GRB10: variants seen among roughly 807,000 people sequenced by gnomAD.
The protein encoded by GRB10 is growth factor receptor bound protein 10, also known as growth factor receptor-bound protein 10.
In GRB10, 20 loss-of-function variants were observed where a neutral mutation model predicts 80.9. The observed-to-expected ratio is 0.25, with a 90% CI of 0.17 to 0.36. The LOEUF (loss-of-function observed/expected upper bound fraction) is 0.36. GRB10 is among the 10% of genes least tolerant of loss of function. The probability of loss-of-function intolerance (pLI) is 1.00; values close to 1 mark genes in which losing one functional copy is unlikely to be tolerated. For missense variants in GRB10, 548 were observed against 747.7 expected, an observed-to-expected ratio of 0.73 and a Z score of 3.12; for synonymous variants, 291 against 291.5, an observed-to-expected ratio of 1.00 and a Z score of 0.02.
chr7:50,669,535 A>G (rs1450450741), intron 7 of GRB10, among the ~76,000 whole-genome samples, 187 bp downstream of exon 7: 1 of 152,218 alleles, frequency 6.6e-6, no homozygotes, highest in African/African-American at 2.4e-5. Flanking sequence ...TGGGATTTGG[A>G]GGGGACAACA....
chr7:50,650,329 G>T (rs867003892), intron 7 of GRB10, among the ~76,000 whole-genome samples: 1 of 152,188 alleles, frequency 6.6e-6, no homozygotes, highest in Non-Finnish European at 1.5e-5. Context: ...CAAGGTGGGT[G>T]GGGGAGAAAC....
In GRB10 at chr7:50,773,094, T is replaced by G. The variant is rs1222307010; in HGVS notation, c.-217+7533A>C. Among the ~76,000 whole-genome samples the G allele has an allele frequency of 2.0e-5, 3 of 152,070 alleles. No individual in the cohort carries two copies. In the East Asian group the frequency reaches 5.8e-4, roughly 29 times the overall value. ...CAGAAGGTGAAAGGCATGTCTCACA[T>G]GGTGGCAGACAAGAGAAGAGAACTT... On this transcript the variant is annotated intron_variant, in intron 2 of 18. Transcript: ENST00000401949.
At chr7:50,669,614 C>A in intron 7 of GRB10, 108 bp downstream of exon 7, 1 of 1,073,454 alleles carries the variant, frequency 9.3e-7, no homozygotes. Context: ...GAGAGAAGAT[C>A]CCAGGACTTC....
intron 12 of GRB10, among the ~76,000 whole-genome samples, chr7:50,613,901 A>G (rs1028206462): frequency 5.3e-5 from 8 of 152,218 alleles, no homozygotes; most frequent in Non-Finnish European, 7.3e-5. Flanking sequence ...GCTATGGCTC[A>G]TAAGTCAGCC....
At chr7:50,783,515 C>CAT (rs1177582753), upstream of GRB10, among the ~76,000 whole-genome samples, 6 of 150,720 alleles carry the variant, frequency 4.0e-5, no homozygotes, top group Non-Finnish European at 8.9e-5. Context: ...CACACACACA[C>CAT]ATACACCACA....
In GRB10 at chr7:50,660,089, G is replaced by A. The variant is rs73697044; in HGVS notation, c.504+9633C>T. Among the ~76,000 whole-genome samples, 536 of 152,290 alleles carry A rather than the reference G, an allele frequency of 3.5e-3. 7 individuals are homozygous for A. Among genetic ancestry groups the A allele is most frequent in the African/African-American group, 0.012 (510 of 41,548 alleles). On this transcript the variant is annotated intron_variant, in intron 7 of 18. Transcript: ENST00000401949. ...CGTGGTCACTCCTGATGAAGGCAGT[G>A]ATCACGTGGCAAAGGGGTGGGGCAC...
intron 2 of GRB10, among the ~76,000 whole-genome samples, chr7:50,772,801 G>A (rs1393729644): frequency 6.6e-6 from 1 of 152,162 alleles, no homozygotes; most frequent in African/African-American, 2.4e-5. Context: ...AGGACACTAC[G>A]AAGACAGTGA....
Position 50,668,880 on chromosome 7 carries a change from T to C in GRB10, c.504+842A>G, listed in dbSNP as rs1196579238. ...AATGCTCTGTGCCTCAGTTTCCTCA[T>C]ATGGGGACAATGGTTGTGTCCTATC... On this transcript the variant is annotated intron_variant, in intron 7 of 18. Transcript: ENST00000401949. Among the ~76,000 whole-genome samples, 6 of 152,238 alleles carry C rather than the reference T, an allele frequency of 3.9e-5. No homozygotes were observed. The East Asian group carries it at 9.6e-4, about 24-fold the overall frequency.
intron 5 of GRB10, 61 bp downstream of exon 5, chr7:50,703,760 G>T: frequency 8.6e-7 from 1 of 1,160,868 alleles, no homozygotes; most frequent in Non-Finnish European, 1.3e-6. Flanking sequence ...TAGAATATCA[G>T]ATCTGGGCAC....
intron 3 of GRB10, among the ~76,000 whole-genome samples, chr7:50,753,796 C>T (rs1009220437): frequency 6.6e-6 from 1 of 152,162 alleles, no homozygotes; most frequent in Non-Finnish European, 1.5e-5. Flanking sequence ...CATAATCAGG[C>T]AATTGGAATG....
At chr7:50,709,145 A>G (rs2065479699) in intron 4 of GRB10, among the ~76,000 whole-genome samples, 1 of 152,210 alleles carries the variant, frequency 6.6e-6, no homozygotes, top group Admixed American at 6.5e-5. Context: ...CAAAGTCAGA[A>G]CAAGCCCATC....
intron 2 of GRB10, among the ~76,000 whole-genome samples, chr7:50,764,198 T>C (rs925326173): frequency 6.6e-6 from 1 of 152,206 alleles, no homozygotes; most frequent in African/African-American, 2.4e-5. Flanking sequence ...ATCCACCCTG[T>C]CCTGTCCCTG....
intron 3 of GRB10, among the ~76,000 whole-genome samples, chr7:50,740,490 A>G (rs2071509749): frequency 6.6e-6 from 1 of 152,270 alleles, no homozygotes; most frequent in Non-Finnish European, 1.5e-5. Flanking sequence ...AAATTTTAGA[A>G]AGACGTTTTG....
chr7:50,614,142 C>A (rs534334254), intron 12 of GRB10, among the ~76,000 whole-genome samples: 1 of 152,322 alleles, frequency 6.6e-6, no homozygotes, highest in South Asian at 2.1e-4. Flanking sequence ...GGTGTGTGCA[C>A]ATGTGTATGT....
At position 50,606,418 on chromosome 7, in the gene GRB10, G is replaced by A. The variant is rs753390676; in HGVS notation, c.1195-4C>T. The A allele has an allele frequency of 1.9e-6, 3 of 1,612,686 alleles. No individual in the cohort carries two copies. The Admixed American group carries it at 5.0e-5, about 27-fold the overall frequency. On this transcript the variant is annotated splice_region_variant and splice_polypyrimidine_tract_variant and intron_variant, in intron 13 of 18. Coordinates refer to ENST00000401949, the MANE Select transcript of GRB10 (RefSeq NM_001350814.2). ...TCTGGTAAAGGAGCATTCCATACTG[G>A]AGAGGAGAAGCCACAGTTAGTCACC...
chr7:50,689,982 T>C (rs977678267), intron 5 of GRB10, among the ~76,000 whole-genome samples: 1 of 150,712 alleles, frequency 6.6e-6, no homozygotes, highest in Non-Finnish European at 1.5e-5. Flanking sequence ...TACTGGTTAA[T>C]TGTGGTTAAA....
chr7:50,616,817 T>C (rs1487908747), intron 10 of GRB10, among the ~76,000 whole-genome samples: 2 of 152,252 alleles, frequency 1.3e-5, no homozygotes, highest in Non-Finnish European at 2.9e-5. Flanking sequence ...CTGTTCCAGC[T>C]AACTCTTCCC....
At chr7:50,664,544 A>G (rs1284638757) in intron 7 of GRB10, among the ~76,000 whole-genome samples, 1 of 152,200 alleles carries the variant, frequency 6.6e-6, no homozygotes, top group Non-Finnish European at 1.5e-5. Context: ...CAGGTCTCGG[A>G]GCACATCCTT....
At chr7:50,656,510 C>T (rs931205079) in intron 7 of GRB10, among the ~76,000 whole-genome samples, 1 of 152,252 alleles carries the variant, frequency 6.6e-6, no homozygotes, top group Non-Finnish European at 1.5e-5. Context: ...TGCAGGGCCA[C>T]ACAGGCCTGA....
Sources: allele counts gnomAD v4.1 joint callset (sites outside exome capture counted in the v4.1 genomes callset), GRCh38; gene constraint gnomAD v4.1.1; transcripts MANE v1.5; gene names NCBI Gene and HGNC (gene_info 2026-07-23, HGNC 2026-07-21).